CACNA1C: variants seen among roughly 807,000 people sequenced by gnomAD.
The protein encoded by CACNA1C is voltage-dependent L-type calcium channel subunit alpha-1C.
A neutral mutation model predicts 229.0 loss-of-function variants in CACNA1C; 30 were observed. That is an observed-to-expected ratio of 0.13 (90% CI 0.10 to 0.18). The LOEUF (loss-of-function observed/expected upper bound fraction) is 0.18. Among genes scored for constraint, CACNA1C ranks in the 10% least tolerant of loss-of-function variants. The probability of loss-of-function intolerance (pLI) is 1.00; values close to 1 mark genes in which losing one functional copy is unlikely to be tolerated. For missense variants in CACNA1C, 1,658 were observed against 2,845.0 expected (o/e 0.58, Z 9.49); for synonymous variants, 1,114 against 1,132.5 (o/e 0.98, Z 0.33).
Position 2,585,278 on chromosome 12 carries a change from C to G in CACNA1C, c.2340-98C>G. 2.4e-6 allele frequency: 3 copies of G among 1,243,854 alleles called. No individual in the cohort carries two copies. Among genetic ancestry groups the G allele is most frequent in the Non-Finnish European group, 3.3e-6 (3 of 909,416 alleles). 77.1% of individuals were successfully genotyped at this position (1,243,854 alleles called of 1,614,324 possible). On this transcript the variant is annotated intron_variant, in intron 16 of 46. Transcript: ENST00000399655. The surrounding 1 kb of genome is among the most constrained non-coding windows in gnomAD (Gnocchi z 4.1). Reference sequence around the variant, plus strand: ...GGACTCAGACCCAGGGGATCTGTCCCCTCTGGCCCCAACAGGCCACAGGGC... The same window carrying G: ...GGACTCAGACCCAGGGGATCTGTCCGCTCTGGCCCCAACAGGCCACAGGGC...
intron 18 of CACNA1C, among the ~76,000 whole-genome samples, chr12:2,586,990 G>A (rs2062751411): frequency 1.3e-5 from 2 of 152,228 alleles, no homozygotes; most frequent in Admixed American, 6.5e-5. Flanking sequence ...AAATGCAATG[G>A]GAGGATCTTG....
intron 3 of CACNA1C, among the ~76,000 whole-genome samples, chr12:2,400,278 G>T (rs997680511): frequency 6.6e-5 from 10 of 152,170 alleles, no homozygotes; most frequent in African/African-American, 2.2e-4. Flanking sequence ...GTGCCCTATT[G>T]CCTCTCTCTG....
intron 3 of CACNA1C, among the ~76,000 whole-genome samples, chr12:2,231,626 A>G (rs2065160844): frequency 6.6e-6 from 1 of 152,148 alleles, no homozygotes; most frequent in South Asian, 2.1e-4. Flanking sequence ...GGAGATCAGA[A>G]CCATCATCTC....
intron 3 of CACNA1C, among the ~76,000 whole-genome samples, chr12:2,322,844 G>T (rs2096075995): frequency 6.6e-6 from 1 of 152,168 alleles, no homozygotes; most frequent in Non-Finnish European, 1.5e-5. Flanking sequence ...GTGAATACAT[G>T]GCAGGTACTT....
At chr12:2,482,835 C>T (rs1295102154) in intron 5 of CACNA1C, among the ~76,000 whole-genome samples, 1 of 152,206 alleles carries the variant, frequency 6.6e-6, no homozygotes, top group African/African-American at 2.4e-5. Flanking sequence ...ATCCTGTGGT[C>T]AGACAGAACT....
intron 1 of CACNA1C, among the ~76,000 whole-genome samples, chr12:2,094,914 A>G (rs545323762): frequency 2.1e-4 from 32 of 152,332 alleles, no homozygotes; most frequent in Admixed American, 5.2e-4. Flanking sequence ...CCCCTTTAAC[A>G]ATAACAAAAT....
chr12:2,155,523 T>G (rs879211522), intron 3 of CACNA1C, among the ~76,000 whole-genome samples: 3 of 152,228 alleles, frequency 2.0e-5, no homozygotes, highest in Non-Finnish European at 4.4e-5. Context: ...CTGACTAGAA[T>G]AGCTCAATTG....
chr12:2,466,825 A>G (rs372703559), intron 5 of CACNA1C, among the ~76,000 whole-genome samples: 1 of 151,714 alleles, frequency 6.6e-6, no homozygotes, highest in African/African-American at 2.4e-5. Flanking sequence ...CCTCTCCCAC[A>G]TGCTCATCCC....
At chr12:2,377,866 C>T (rs1420441583) in intron 3 of CACNA1C, among the ~76,000 whole-genome samples, 1 of 152,174 alleles carries the variant, frequency 6.6e-6, no homozygotes, top group Admixed American at 6.5e-5. Flanking sequence ...CTCCCTGTGT[C>T]CTGTGGGAGA....
intron 3 of CACNA1C, among the ~76,000 whole-genome samples, chr12:2,338,957 T>C (rs1339727281): frequency 6.6e-6 from 1 of 152,186 alleles, no homozygotes; most frequent in Non-Finnish European, 1.5e-5. Flanking sequence ...ATAGGAAAAA[T>C]GCTTCCCCCC....
chr12:2,379,727 CATA>C (rs2098179202), intron 3 of CACNA1C, among the ~76,000 whole-genome samples: 3 of 152,120 alleles, frequency 2.0e-5, no homozygotes, highest in African/African-American at 7.2e-5. Flanking sequence ...TGATGCGGGA[CATA>C]ATAATATAAA....
intron 11 of CACNA1C, among the ~76,000 whole-genome samples, chr12:2,562,530 G>A (rs957141883): frequency 5.9e-5 from 9 of 152,106 alleles, no homozygotes; most frequent in African/African-American, 2.2e-4. Flanking sequence ...CAGGAAAAAA[G>A]CAGAGGCATG....
At chr12:2,328,702 A>G (rs2096429694) in intron 3 of CACNA1C, among the ~76,000 whole-genome samples, 1 of 152,204 alleles carries the variant, frequency 6.6e-6, no homozygotes, top group African/African-American at 2.4e-5. Context: ...TTCTTGGGCC[A>G]TTTATTCGCC....
intron 1 of CACNA1C, among the ~76,000 whole-genome samples, chr12:1,994,094 C>T (rs115641721): frequency 0.017 from 2,645 of 152,296 alleles, 81 homozygotes; most frequent in African/African-American, 0.06. Context: ...CCTTGAATGC[C>T]TGCTCTGCCA....
At position 2,565,196 on chromosome 12, in the gene CACNA1C, C is replaced by A. The variant is rs550770618; in HGVS notation, c.1509-1226C>A. ...AAAAATACCCAACCCCGGCCGGGCG[C>A]GGTGGCTCACGCCTGTAATCCCAGC... On this transcript the variant is annotated intron_variant, in intron 11 of 46. Transcript: ENST00000399655. Among the ~76,000 whole-genome samples, 7 of 152,084 alleles carry A rather than the reference C, an allele frequency of 4.6e-5. No homozygotes were observed. The East Asian group carries it at 5.8e-4, about 13-fold the overall frequency.
intron 3 of CACNA1C, among the ~76,000 whole-genome samples, chr12:2,229,499 T>C (rs2064063131): frequency 6.6e-6 from 1 of 152,114 alleles, no homozygotes; most frequent in South Asian, 2.1e-4. Flanking sequence ...CACGGGGAGC[T>C]TACAATCTAG....
In CACNA1C at chr12:2,697,102, A is replaced by G. The variant is rs2097848032; in HGVS notation, c.*5903A>G. On this transcript the variant is annotated 3_prime_UTR_variant, in exon 47 of 47. Transcript: ENST00000399655. ...ATCCCCTTCAGGAGGTGTCTCCAGC[A>G]TCCCAAAGCTGTGCGCACCTTCTCT... 6.6e-6 allele frequency: 1 copy of G among 152,254 alleles called. No individual in the cohort carries two copies. The highest frequency in any genetic ancestry group is 2.4e-5 in the African/African-American group (1 of 41,458). 9.4% of individuals were successfully genotyped at this position (152,254 alleles called of 1,614,324 possible).
At chr12:2,448,161 G>T (rs141269978) in intron 3 of CACNA1C, among the ~76,000 whole-genome samples, 3 of 152,136 alleles carry the variant, frequency 2.0e-5, no homozygotes, top group Admixed American at 6.5e-5. Context: ...TGTCCTGTTC[G>T]CTCTGGGCTC....
chr12:2,683,431 G>GTGTT (rs1455034922), intron 43 of CACNA1C, among the ~76,000 whole-genome samples: 1 of 152,224 alleles, frequency 6.6e-6, no homozygotes, highest in African/African-American at 2.4e-5. Flanking sequence ...TTGAGACACA[G>GTGTT]TGTTTCCGAA....
Sources: allele counts gnomAD v4.1 joint callset (sites outside exome capture counted in the v4.1 genomes callset), GRCh38; gene constraint gnomAD v4.1.1; non-coding constraint Gnocchi (gnomAD v3.1); transcripts MANE v1.5; gene names NCBI Gene and HGNC (gene_info 2026-07-23, HGNC 2026-07-21).